ARHGAP15: variants seen among roughly 807,000 people sequenced by gnomAD.
The protein encoded by ARHGAP15 is Rho GTPase activating protein 15.
In ARHGAP15, 51 loss-of-function variants were observed where a neutral mutation model predicts 63.7. That is an observed-to-expected ratio of 0.80 (90% CI 0.64 to 1.01). The LOEUF (loss-of-function observed/expected upper bound fraction) is 1.01, where lower values mean the gene tolerates loss of function less well. Among genes scored for constraint, ARHGAP15 ranks in the 50% least tolerant of loss-of-function variants. ARHGAP15 has a pLI of 0.00. For missense variants in ARHGAP15, 560 were observed against 564.6 expected, an observed-to-expected ratio of 0.99 and a Z score of 0.08; for synonymous variants, 191 against 193.8, an observed-to-expected ratio of 0.99 and a Z score of 0.12.
chr2:143,401,028 A>G (rs945271236), intron 6 of ARHGAP15, among the ~76,000 whole-genome samples: 4 of 152,036 alleles, frequency 2.6e-5, no homozygotes, highest in Non-Finnish European at 4.4e-5. Context: ...CGCCAGGTGC[A>G]TTCCATTTCT....
chr2:143,356,406 C>T (rs1416684050), intron 6 of ARHGAP15, among the ~76,000 whole-genome samples: 2 of 152,030 alleles, frequency 1.3e-5, no homozygotes, highest in Non-Finnish European at 2.9e-5. Context: ...GAAGGCACCA[C>T]CCCCCTTCCC....
chr2:143,460,599 T>C (rs570053623), intron 8 of ARHGAP15, among the ~76,000 whole-genome samples: 10 of 152,346 alleles, frequency 6.6e-5, no homozygotes, highest in African/African-American at 2.4e-4. Context: ...GTTTATTGCT[T>C]GATATGTAAT....
chr2:143,470,597 A>T (rs1691471992), intron 8 of ARHGAP15, among the ~76,000 whole-genome samples: 1 of 150,102 alleles, frequency 6.7e-6, no homozygotes, highest in Non-Finnish European at 1.5e-5. Context: ...ATATATATGC[A>T]TGTGTGTGTA....
At chr2:143,507,969 T>A (rs1018101376) in intron 9 of ARHGAP15, among the ~76,000 whole-genome samples, 1 of 149,960 alleles carries the variant, frequency 6.7e-6, no homozygotes. Context: ...TTAACCCCCT[T>A]AAATCTAGGC....
At chr2:143,231,404 C>T (rs761771727) in intron 5 of ARHGAP15, among the ~76,000 whole-genome samples, 2 of 152,158 alleles carry the variant, frequency 1.3e-5, no homozygotes, top group Non-Finnish European at 2.9e-5. Flanking sequence ...GCATGACCTC[C>T]AAAAGAATGT....
At chr2:143,569,066 G>A (rs1054010872) in intron 11 of ARHGAP15, among the ~76,000 whole-genome samples, 4 of 152,140 alleles carry the variant, frequency 2.6e-5, no homozygotes, top group African/African-American at 7.2e-5. Context: ...TAATGTAAAT[G>A]ACAGGTTGAT....
At chr2:143,635,619 T>C (rs1444228362) in intron 12 of ARHGAP15, among the ~76,000 whole-genome samples, 1 of 152,126 alleles carries the variant, frequency 6.6e-6, no homozygotes, top group Non-Finnish European at 1.5e-5. Context: ...ATAAATTTCC[T>C]GGGGGCATTC....
intron 13 of ARHGAP15, among the ~76,000 whole-genome samples, chr2:143,720,982 T>C (rs1685029235): frequency 7.2e-6 from 1 of 139,572 alleles, no homozygotes; most frequent in African/African-American, 2.6e-5. Flanking sequence ...GGCAGAATGG[T>C]GTGAACCTGG....
chr2:143,254,938 A>G (rs2104993387), intron 6 of ARHGAP15, among the ~76,000 whole-genome samples: 1 of 152,146 alleles, frequency 6.6e-6, no homozygotes, highest in East Asian at 1.9e-4. Flanking sequence ...GTAAAATAGG[A>G]AGTAAAGATG....
chr2:143,315,217 GATA>G (rs1250513508), intron 6 of ARHGAP15, among the ~76,000 whole-genome samples: 7 of 152,038 alleles, frequency 4.6e-5, no homozygotes, highest in African/African-American at 1.7e-4. Flanking sequence ...GCTATTAATT[GATA>G]ATCACCATTT....
At position 143,239,137 on chromosome 2, in the gene ARHGAP15, T is replaced by C. The variant is rs939719524; in HGVS notation, c.384+10469T>C. 9.2e-5 allele frequency among the ~76,000 whole-genome samples: 14 copies of C among 152,204 alleles called. No individual in the cohort carries two copies. The East Asian group carries it at 2.5e-3, about 27-fold the overall frequency. ...GCAGCAAACCACCATGGCACACATT[T>C]AACTATGTAACAAACCTGCACATCC... On this transcript the variant is annotated intron_variant, in intron 5 of 13. Coordinates refer to ENST00000295095, the MANE Select transcript of ARHGAP15 (RefSeq NM_018460.4).
intron 2 of ARHGAP15, among the ~76,000 whole-genome samples, chr2:143,185,242 G>A (rs1358945535): frequency 1.3e-5 from 2 of 152,058 alleles, no homozygotes; most frequent in African/African-American, 4.8e-5. Context: ...GAATGGTGTG[G>A]ATATGGTCTC....
At chr2:143,631,454 G>C (rs1291723201) in intron 12 of ARHGAP15, among the ~76,000 whole-genome samples, 1 of 152,052 alleles carries the variant, frequency 6.6e-6, no homozygotes, top group Non-Finnish European at 1.5e-5. Context: ...GTATATGAGA[G>C]TTCCAGTTTC....
chr2:143,160,059 G>T (rs182952947), intron 2 of ARHGAP15, among the ~76,000 whole-genome samples: 2 of 151,844 alleles, frequency 1.3e-5, no homozygotes, highest in East Asian at 3.9e-4. Context: ...ATTATTTCCT[G>T]ACATATTTTG....
chr2:143,619,420 T>C (rs568084836), intron 11 of ARHGAP15, among the ~76,000 whole-genome samples: 1 of 152,292 alleles, frequency 6.6e-6, no homozygotes, highest in East Asian at 1.9e-4. Flanking sequence ...ATTTGCATTG[T>C]GGAGCTTAAC....
At chr2:143,383,482 A>G (rs1687141576) in intron 6 of ARHGAP15, among the ~76,000 whole-genome samples, 1 of 152,226 alleles carries the variant, frequency 6.6e-6, no homozygotes, top group Non-Finnish European at 1.5e-5. Context: ...TAATGCTGCT[A>G]TAAACCTATG....
At chr2:143,509,656 C>CA (rs1693489977) in intron 9 of ARHGAP15, among the ~76,000 whole-genome samples, 1 of 152,124 alleles carries the variant, frequency 6.6e-6, no homozygotes, top group Admixed American at 6.5e-5. Context: ...AGTTACATGA[C>CA]ATGGGGCTCA....
chr2:143,515,573 T>C (rs924939143), intron 9 of ARHGAP15, among the ~76,000 whole-genome samples: 3 of 152,246 alleles, frequency 2.0e-5, no homozygotes, highest in Non-Finnish European at 2.9e-5. Context: ...AGACTTCTTA[T>C]ATATCCCTTT....
chr2:143,540,744 C>A (rs940387133), intron 10 of ARHGAP15, among the ~76,000 whole-genome samples: 1 of 152,166 alleles, frequency 6.6e-6, no homozygotes, highest in African/African-American at 2.4e-5. Context: ...GCTGGGAGAT[C>A]AGCTGTTAGT....
Sources: gnomAD v4.1 joint callset for allele counts (sites outside exome capture counted in the v4.1 genomes callset) on GRCh38, gnomAD v4.1.1 for gene constraint, MANE v1.5 for transcripts, NCBI Gene and HGNC (gene_info 2026-07-23, HGNC 2026-07-21) for gene names.